The following PPARGC1A variants were observed in gnomAD, a reference collection of about 807,000 sequenced individuals.
PPARGC1A encodes peroxisome proliferator-activated receptor gamma coactivator 1-alpha.
Under a neutral mutation model 88.7 loss-of-function variants are expected in PPARGC1A, and 25 were observed. That is an observed-to-expected ratio of 0.28 (90% CI 0.21 to 0.39). The LOEUF is 0.39. Ranked by LOEUF, PPARGC1A falls within the 10% of genes least tolerant of loss-of-function variation. PPARGC1A has a pLI of 1.00. For missense variants in PPARGC1A, 880 were observed against 968.7 expected (o/e 0.91, Z 1.22); for synonymous variants, 363 against 355.6 (o/e 1.02, Z -0.24).
the PPARGC1A span, among the ~76,000 whole-genome samples, chr4:24,151,934 G>A: frequency 6.6e-6 from 1 of 152,216 alleles, no homozygotes; most frequent in Non-Finnish European, 1.5e-5. Context: ...AGAGCTTGTG[G>A]TCTTAGGAAG....
the PPARGC1A span, among the ~76,000 whole-genome samples, chr4:24,029,403 G>A: frequency 2.0e-5 from 3 of 152,072 alleles, no homozygotes; most frequent in Admixed American, 2.0e-4. Flanking sequence ...CCTTTCCCAG[G>A]TCCGTTCCTT....
chr4:24,104,594 G>C, the PPARGC1A span, among the ~76,000 whole-genome samples: 1 of 152,126 alleles, frequency 6.6e-6, no homozygotes, highest in Non-Finnish European at 1.5e-5. Flanking sequence ...AGGACTGTGG[G>C]CAACACAATT....
chr4:23,882,603 G>A lies in PPARGC1A; in HGVS notation c.234+2149C>T, dbSNP rs556386203. 2.0e-5 allele frequency: 3 copies of A among 152,160 alleles called. No individual in the cohort carries two copies. In the South Asian group the frequency reaches 6.2e-4, roughly 32 times the overall value. 9.4% of individuals were successfully genotyped at this position (152,160 alleles called of 1,614,324 possible). On this transcript the variant is annotated intron_variant, in intron 2 of 12. Transcript: ENST00000264867. ...GTCCCGTGAATTGGGGTGTGGGGCGGGGACCAAAATCGCCTTTGGTTGAGA... is the reference window on the plus strand; with the variant it reads ...GTCCCGTGAATTGGGGTGTGGGGCGAGGACCAAAATCGCCTTTGGTTGAGA...
chr4:24,133,203 G>T, the PPARGC1A span, among the ~76,000 whole-genome samples: 1 of 152,068 alleles, frequency 6.6e-6, no homozygotes, highest in Non-Finnish European at 1.5e-5. Flanking sequence ...GTGGTGGTGG[G>T]GGGGAAGTTG....
the PPARGC1A span, among the ~76,000 whole-genome samples, chr4:24,016,012 C>T: frequency 6.6e-6 from 1 of 152,134 alleles, no homozygotes; most frequent in African/African-American, 2.4e-5. Context: ...TGACCGTGTG[C>T]ACTTTTGTTT....
the PPARGC1A span, among the ~76,000 whole-genome samples, chr4:24,150,197 G>T: frequency 6.6e-6 from 1 of 152,258 alleles, no homozygotes; most frequent in South Asian, 2.1e-4. Context: ...GTGTTTTGTG[G>T]TTAAAAATTG....
chr4:23,849,807 A>ATT (rs201793553), intron 2 of PPARGC1A, among the ~76,000 whole-genome samples: 3,330 of 144,514 alleles, frequency 0.023, 103 homozygotes, highest in East Asian at 0.12. Flanking sequence ...TAGATTTAGA[A>ATT]TTTTTTTTTT....
chr4:23,818,839 C>CTTTTTTT (rs762478316), intron 7 of PPARGC1A, among the ~76,000 whole-genome samples: 1 of 49,022 alleles, frequency 2.0e-5, no homozygotes, highest in African/African-American at 7.9e-5. Flanking sequence ...CCAATGGCAT[C>CTTTTTTT]TTTTTTTTTT....
chr4:24,137,683 C>T, the PPARGC1A span, among the ~76,000 whole-genome samples: 15 of 152,076 alleles, frequency 9.9e-5, no homozygotes, highest in African/African-American at 3.4e-4. Context: ...CATAGAGAAT[C>T]GCTTCAAACA....
chr4:24,357,188 T>C, the PPARGC1A span, among the ~76,000 whole-genome samples: 13 of 152,190 alleles, frequency 8.5e-5, no homozygotes, highest in Non-Finnish European at 1.5e-4. Flanking sequence ...TCCTCCAGGA[T>C]GCTAACCTGG....
the PPARGC1A span, among the ~76,000 whole-genome samples, chr4:24,058,207 A>C: frequency 6.6e-6 from 1 of 152,276 alleles, no homozygotes; most frequent in East Asian, 1.9e-4. Context: ...TGCTTTATGA[A>C]GTCTAGGAAG....
chr4:24,075,798 G>A, the PPARGC1A span, among the ~76,000 whole-genome samples: 1 of 152,240 alleles, frequency 6.6e-6, no homozygotes, highest in South Asian at 2.1e-4. Flanking sequence ...ACATGGAACT[G>A]TGAGTCCATT....
the PPARGC1A span, among the ~76,000 whole-genome samples, chr4:24,070,788 T>C: frequency 4.5e-4 from 69 of 152,322 alleles, 2 homozygotes; most frequent in East Asian, 0.012. Context: ...AAAAAGATAA[T>C]ATTCTGTGAC....
the PPARGC1A span, among the ~76,000 whole-genome samples, chr4:24,300,527 TTAGA>T: frequency 4.8e-3 from 731 of 152,120 alleles, 10 homozygotes; most frequent in African/African-American, 0.017. Context: ...CAATTTCCAC[TTAGA>T]TAAACTTTTT....
the PPARGC1A span, among the ~76,000 whole-genome samples, chr4:24,296,040 GTA>G: frequency 7.3e-6 from 1 of 136,266 alleles, no homozygotes; most frequent in African/African-American, 2.7e-5. Flanking sequence ...GTATATATGT[GTA>G]TGTGTGTATG....
chr4:24,198,383 C>CTTGGTA, the PPARGC1A span, among the ~76,000 whole-genome samples: 2 of 152,198 alleles, frequency 1.3e-5, no homozygotes, highest in South Asian at 4.1e-4. Flanking sequence ...CCTTGGCTTA[C>CTTGGTA]AGGGTCGCTG....
the PPARGC1A span, among the ~76,000 whole-genome samples, chr4:23,949,533 CTA>C: frequency 2.6e-5 from 4 of 152,182 alleles, no homozygotes; most frequent in Non-Finnish European, 5.9e-5. Context: ...TATCCTTAGA[CTA>C]TTTAAATACG....
the PPARGC1A span, among the ~76,000 whole-genome samples, chr4:23,978,897 A>G: frequency 6.6e-6 from 1 of 152,222 alleles, no homozygotes; most frequent in Non-Finnish European, 1.5e-5. Flanking sequence ...TAAACTGATA[A>G]TAGAATCACA....
At chr4:24,391,549 T>G in the PPARGC1A span, among the ~76,000 whole-genome samples, 1 of 152,164 alleles carries the variant, frequency 6.6e-6, no homozygotes, top group Non-Finnish European at 1.5e-5. Flanking sequence ...ACAATAATGG[T>G]GGTGTGGTCC....
Sources: allele counts gnomAD v4.1 joint callset (sites outside exome capture counted in the v4.1 genomes callset), GRCh38; gene constraint gnomAD v4.1.1; transcripts MANE v1.5; gene names NCBI Gene and HGNC (gene_info 2026-07-23, HGNC 2026-07-21).